Variants in ITGAM observed in about 807,000 individuals in gnomAD.
ITGAM encodes the protein integrin alpha-M.
Under a neutral mutation model 137.5 loss-of-function variants are expected in ITGAM, and 79 were observed. That is an observed-to-expected ratio of 0.57 (90% CI 0.48 to 0.69). The LOEUF (loss-of-function observed/expected upper bound fraction) is 0.69. Among genes scored for constraint, ITGAM ranks in the 30% least tolerant of loss-of-function variants. The pLI is 0.00. For synonymous variants in ITGAM, 583 were observed against 592.3 expected (o/e 0.98, Z 0.23); for missense variants, 1,343 against 1,483.5 (o/e 0.91, Z 1.56).
intron 14 of ITGAM, among the ~76,000 whole-genome samples, chr16:31,314,821 GTT>G (rs369241453): frequency 1.5e-4 from 20 of 130,822 alleles, no homozygotes; most frequent in African/African-American, 2.7e-4. Context: ...AGGAGGCAGG[GTT>G]TTTTTTTTTT....
chr16:31,270,743 A>ATATAT lies in ITGAM; in HGVS notation c.428-210_428-209insATATT, dbSNP rs1475429642. On this transcript the variant is annotated intron_variant, in intron 5 of 29. Transcript: ENST00000544665. The stretch of plus-strand genomic sequence containing the variant: ...TATATATATATATATATATATATAT[A>ATATAT]TGTTTTTAACGTGTGTATACATATA... 1.6e-3 allele frequency among the ~76,000 whole-genome samples: 166 copies of ATATAT among 106,192 alleles called. 2 individuals are homozygous for ATATAT. Among genetic ancestry groups the ATATAT allele is most frequent in the Non-Finnish European group, 2.1e-3 (120 of 55,940 alleles). The allele number at this position is 106,192 out of a possible 152,430, so 69.7% of individuals were successfully genotyped here.
At chr16:31,309,907 T>A (rs1567271930) in intron 14 of ITGAM, among the ~76,000 whole-genome samples, 2 of 152,112 alleles carry the variant, frequency 1.3e-5, no homozygotes, top group Non-Finnish European at 2.9e-5. Flanking sequence ...CTTCTTCACT[T>A]ATGAAGCTTA....
chr16:31,276,223 C>T (rs961314539), intron 9 of ITGAM, among the ~76,000 whole-genome samples: 2 of 152,154 alleles, frequency 1.3e-5, no homozygotes, highest in African/African-American at 2.4e-5. Flanking sequence ...CTAAGAGGGA[C>T]GTATGCTGTC....
chr16:31,283,318 C>A (rs991923100), intron 12 of ITGAM, among the ~76,000 whole-genome samples: 2 of 152,200 alleles, frequency 1.3e-5, no homozygotes, highest in Non-Finnish European at 2.9e-5. Context: ...GAGTGTTTTC[C>A]AACTTGGTTC....
chr16:31,320,910 A>G (rs1308273745), intron 14 of ITGAM, among the ~76,000 whole-genome samples: 1 of 152,162 alleles, frequency 6.6e-6, no homozygotes, highest in Non-Finnish European at 1.5e-5. Flanking sequence ...GTGGCGGCTC[A>G]CACCTATAAT....
rs547993443 is a variant in ITGAM, at chr16:31,331,990, T to C, written c.*283T>C. ...AAGTGTGTGTGCGTGTGTCCATGTG[T>C]GTGCAAGTGTGTGCATGTGTGCGAG... On this transcript the variant is annotated 3_prime_UTR_variant, in exon 30 of 30. Transcript: ENST00000544665. 1.9e-3 allele frequency: 909 copies of C among 482,840 alleles called. 4 individuals carry two copies. Among genetic ancestry groups the C allele is most frequent in the Non-Finnish European group, 2.5e-3 (663 of 270,398 alleles). The allele number at this position is 482,840 out of a possible 1,614,324, so 29.9% of individuals were successfully genotyped here. A position where few individuals can be genotyped will look rare whatever the true frequency, so the allele number is the denominator to read the frequency against.
chr16:31,325,748 T>C, intron 21 of ITGAM, 126 bp downstream of exon 21: 16 of 1,130,522 alleles, frequency 1.4e-5, no homozygotes, highest in Non-Finnish European at 2.0e-5. Context: ...ATAATTCATA[T>C]ACCATCCAAT....
At chr16:31,294,803 T>C (rs774503981) in intron 12 of ITGAM, among the ~76,000 whole-genome samples, 17 of 152,164 alleles carry the variant, frequency 1.1e-4, no homozygotes, top group Non-Finnish European at 2.4e-4. Context: ...CTCAGAAGCT[T>C]GATTGTCAAG....
At chr16:31,308,635 TTG>T (rs1432665251) in intron 14 of ITGAM, among the ~76,000 whole-genome samples, 2 of 152,268 alleles carry the variant, frequency 1.3e-5, no homozygotes, top group African/African-American at 2.4e-5. Context: ...GAAGGGTTTT[TTG>T]TGTCTCTATT....
chr16:31,279,880 T>A (rs1308272871), intron 12 of ITGAM, among the ~76,000 whole-genome samples: 1 of 152,226 alleles, frequency 6.6e-6, no homozygotes, highest in Non-Finnish European at 1.5e-5. Flanking sequence ...AGGTCTAACA[T>A]TTAAGTCTTT....
At chr16:31,283,506 T>C (rs1309011051) in intron 12 of ITGAM, among the ~76,000 whole-genome samples, 4 of 152,212 alleles carry the variant, frequency 2.6e-5, no homozygotes, top group Non-Finnish European at 5.9e-5. Flanking sequence ...TCCACTTGAT[T>C]GAATTGGCTA....
chr16:31,310,304 C>T (rs2080312245), intron 14 of ITGAM, among the ~76,000 whole-genome samples: 1 of 152,132 alleles, frequency 6.6e-6, no homozygotes, highest in South Asian at 2.1e-4. Flanking sequence ...CAACTTGATT[C>T]CATTCTCCCC....
Position 31,265,816 on chromosome 16 carries a change from G to A in ITGAM, c.244G>A (p.Val82Met), listed in dbSNP as rs373322978. 53 of 1,613,702 alleles carry A rather than the reference G, an allele frequency of 3.3e-5. No individual in the cohort carries two copies. In the African/African-American group the frequency reaches 5.3e-4, roughly 16 times the overall value. ...GCCCATATCTGTCCCCGCAGTCCCC[G>A]TGGAGGCCGTGAACATGTCCCTGGG... The part of the protein sequence containing the change: ...SCEPIRLQVP[V>M]EAVNMSLGLS... The change falls in exon 4 of 30, where the codon GTG becomes ATG. Residue 82 changes from valine (V) to methionine (M), a missense_variant. Coordinates refer to ENST00000544665, the MANE Select transcript of ITGAM (RefSeq NM_000632.4).
intron 12 of ITGAM, among the ~76,000 whole-genome samples, chr16:31,291,212 C>T (rs965718815): frequency 2.6e-5 from 4 of 152,128 alleles, no homozygotes; most frequent in African/African-American, 9.7e-5. Context: ...TGCACATGTA[C>T]CACATTTTCT....
intron 14 of ITGAM, among the ~76,000 whole-genome samples, chr16:31,319,593 G>A (rs1339557429): frequency 1.3e-5 from 2 of 151,920 alleles, no homozygotes; most frequent in African/African-American, 4.8e-5. Context: ...CATATAATTG[G>A]ATTTTGTATT....
intron 12 of ITGAM, among the ~76,000 whole-genome samples, chr16:31,286,080 A>G (rs1014479543): frequency 4.6e-5 from 7 of 152,120 alleles, no homozygotes; most frequent in African/African-American, 7.2e-5. Context: ...GCTCCCACTT[A>G]TAAGTGAGAA....
At chr16:31,283,430 T>G (rs554631060) in intron 12 of ITGAM, among the ~76,000 whole-genome samples, 1 of 152,218 alleles carries the variant, frequency 6.6e-6, no homozygotes, top group Non-Finnish European at 1.5e-5. Context: ...TTTTACTCTT[T>G]TTTTCTCTGA....
chr16:31,297,633 C>T lies in ITGAM; in HGVS notation c.1476C>T (p.Ser492=), dbSNP rs754216432. Residue 492 remains serine, a synonymous_variant, in exon 13 of 30, where the codon TCC becomes TCT. Coordinates refer to ENST00000544665, the MANE Select transcript of ITGAM (RefSeq NM_000632.4). ...AGCAGACCCGAGGGGGCCAGGTGTCCGTGTGCCCCTTGCCCAGGGGGGTGA... is the reference window on the plus strand; with the variant it reads ...AGCAGACCCGAGGGGGCCAGGTGTCTGTGTGCCCCTTGCCCAGGGGGGTGA... The part of the protein sequence containing the change: ...YYEQTRGGQV[S]VCPLPRGRAR... 6.7e-5 allele frequency: 108 copies of T among 1,613,310 alleles called. No individual in the cohort carries two copies. In the East Asian group the frequency reaches 2.1e-3, roughly 32 times the overall value.
chr16:31,275,720 C>G, intron 9 of ITGAM, 21 bp downstream of exon 9: 2 of 1,612,890 alleles, frequency 1.2e-6, no homozygotes, highest in Non-Finnish European at 1.7e-6. Flanking sequence ...CATCTGTGTT[C>G]CCAGAGCAGC....
Sources: gnomAD v4.1 joint callset for allele counts (sites outside exome capture counted in the v4.1 genomes callset) on GRCh38, gnomAD v4.1.1 for gene constraint, MANE v1.5 for transcripts, NCBI Gene and HGNC (gene_info 2026-07-23, HGNC 2026-07-21) for gene names.